The following NDUFA10 variants were observed in gnomAD, a reference collection of about 807,000 sequenced individuals.
The protein encoded by NDUFA10 is NADH dehydrogenase [ubiquinone] 1 alpha subcomplex subunit 10, mitochondrial.
Under a neutral mutation model 47.8 loss-of-function variants are expected in NDUFA10, and 40 were observed. The ratio of observed to expected loss-of-function variants is 0.84; its 90% CI spans 0.65 to 1.09. The LOEUF (loss-of-function observed/expected upper bound fraction) is 1.09, where lower values mean the gene tolerates loss of function less well. Ranked by LOEUF, NDUFA10 falls within the 50% of genes least tolerant of loss-of-function variation. The probability of loss-of-function intolerance (pLI) is 0.00; values close to 1 mark genes in which losing one functional copy is unlikely to be tolerated. For synonymous variants in NDUFA10, 183 were observed against 172.2 expected (o/e 1.06, Z -0.49); for missense variants, 413 against 451.1 (o/e 0.92, Z 0.76).
At chr2:239,943,479 C>T (rs1382076127) in intron 4 of NDUFA10, among the ~76,000 whole-genome samples, 4 of 152,276 alleles carry the variant, frequency 2.6e-5, no homozygotes, top group Admixed American at 2.0e-4. Context: ...GGATTACAGG[C>T]GTGAGCCACT....
intron 8 of NDUFA10, among the ~76,000 whole-genome samples, chr2:240,001,193 A>G (rs1373188120): frequency 6.6e-6 from 1 of 152,234 alleles, no homozygotes; most frequent in Non-Finnish European, 1.5e-5. Flanking sequence ...TTCACTGTAG[A>G]TTTCCATAAA....
intron 4 of NDUFA10, among the ~76,000 whole-genome samples, chr2:239,944,906 G>A (rs898599858): frequency 5.3e-5 from 8 of 152,152 alleles, no homozygotes; most frequent in African/African-American, 1.9e-4. Context: ...AAGGCTGCAG[G>A]ACCACCCTAG....
chr2:239,934,447 G>C (rs1175801276), intron 4 of NDUFA10, among the ~76,000 whole-genome samples: 1 of 150,718 alleles, frequency 6.6e-6, no homozygotes, highest in East Asian at 2.0e-4. Context: ...AACAATACGG[G>C]GTCCTTGACG....
chr2:239,960,440 C>T lies in NDUFA10; in HGVS notation c.*678G>A. The stretch of plus-strand genomic sequence containing the variant: ...AACAGCCTAAGCTCAAATCTCCCTT[C>T]AAAGGAGTTTGAGACGCTGAGGACG... On this transcript the variant is annotated 3_prime_UTR_variant, in exon 10 of 10. Coordinates refer to ENST00000252711, the MANE Select transcript of NDUFA10 (RefSeq NM_004544.4). The T allele has an allele frequency of 2.0e-6, 2 of 988,274 alleles. No homozygotes were observed. The highest frequency in any genetic ancestry group is 2.4e-6 in the Non-Finnish European group (2 of 831,608). The allele number at this position is 988,274 out of a possible 1,614,324, so 61.2% of individuals were successfully genotyped here.
In NDUFA10 at chr2:240,016,190, G is replaced by A. The variant is rs1434446723; in HGVS notation, c.548-1330C>T. Among the ~76,000 whole-genome samples, 3 of 152,194 alleles carry A rather than the reference G, an allele frequency of 2.0e-5. No homozygotes were observed. Among genetic ancestry groups the A allele is most frequent in the African/African-American group, 7.2e-5 (3 of 41,446 alleles). On this transcript the variant is annotated intron_variant, in intron 4 of 9. Coordinates refer to ENST00000252711, the MANE Select transcript of NDUFA10 (RefSeq NM_004544.4). The surrounding 1 kb of genome is among the most constrained non-coding windows in gnomAD (Gnocchi z 4.4). Reference sequence around the variant, plus strand: ...AACAAGGAAGACCACCCAGGAGGAGGTGTGACAAAGCAAAGGACGGAGGCT... The same window carrying A: ...AACAAGGAAGACCACCCAGGAGGAGATGTGACAAAGCAAAGGACGGAGGCT...
intron 4 of NDUFA10, among the ~76,000 whole-genome samples, chr2:239,946,401 G>A (rs767812551): frequency 2.6e-5 from 4 of 152,182 alleles, no homozygotes; most frequent in South Asian, 2.1e-4. Flanking sequence ...GAATTAGCTC[G>A]TTAACCCGCA....
In NDUFA10 at chr2:239,905,344, G is replaced by T. The variant is rs114721080; in HGVS notation, c.295-10030C>A. ...TCCAGTGGGTGTTCTTGGTCCTCCC[G>T]GCTCAAAGGGCGTCTAGGTTCCAGG... is the stretch of plus-strand genomic sequence containing the variant. On this transcript the variant is annotated intron_variant, in intron 4 of 5. Transcript: ENST00000419408. 3.1e-3 allele frequency among the ~76,000 whole-genome samples: 470 copies of T among 152,280 alleles called. 3 individuals are homozygous for T. Among genetic ancestry groups the T allele is most frequent in the African/African-American group, 0.011 (460 of 41,546 alleles).
chr2:239,949,656 T>G (rs574115059), intron 4 of NDUFA10, among the ~76,000 whole-genome samples: 23 of 152,154 alleles, frequency 1.5e-4, no homozygotes, highest in African/African-American at 5.5e-4. Context: ...ACCACACTTT[T>G]ACTTTTTGAA....
intron 2 of NDUFA10, 30 bp downstream of exon 2, chr2:240,022,142 G>A (rs772484940): frequency 6.3e-7 from 1 of 1,582,246 alleles, no homozygotes; most frequent in Non-Finnish European, 8.7e-7. Context: ...CTGAGAAAAA[G>A]GTATCATTCT....
At position 239,966,403 on chromosome 2, in the gene NDUFA10, T is replaced by A. The variant is rs549083745; in HGVS notation, c.1000-5217A>T. On this transcript the variant is annotated intron_variant, in intron 9 of 9. Coordinates refer to ENST00000252711, the MANE Select transcript of NDUFA10 (RefSeq NM_004544.4). ...GTACTAGCAGATACAAAATGACACA[T>A]GAGGGTGTGCACACTGCAGCCCAGC... Among the ~76,000 whole-genome samples, 6 of 152,256 alleles carry A rather than the reference T, an allele frequency of 3.9e-5. No homozygotes were observed. The South Asian group carries it at 1.0e-3, about 26-fold the overall frequency.
At chr2:239,921,791 G>A (rs900045289) in intron 4 of NDUFA10, among the ~76,000 whole-genome samples, 5 of 152,136 alleles carry the variant, frequency 3.3e-5, no homozygotes, top group Non-Finnish European at 5.9e-5. Context: ...GAGGCCTCAC[G>A]GAACCAGGCT....
intron 9 of NDUFA10, among the ~76,000 whole-genome samples, chr2:239,967,919 G>A (rs926554095): frequency 1.3e-5 from 2 of 151,532 alleles, no homozygotes; most frequent in Admixed American, 6.6e-5. Context: ...ATTTAGACAT[G>A]CCCTATATAG....
At chr2:239,974,506 C>T (rs1409319141) in intron 9 of NDUFA10, among the ~76,000 whole-genome samples, 1 of 152,244 alleles carries the variant, frequency 6.6e-6, no homozygotes, top group Non-Finnish European at 1.5e-5. Context: ...GTGTGGATGT[C>T]CCCTCCAAAT....
chr2:240,017,926 A>G, intron 4 of NDUFA10: 1 of 1,546,330 alleles, frequency 6.5e-7, no homozygotes, highest in Non-Finnish European at 8.8e-7. Flanking sequence ...AAATGCCGTC[A>G]GTCAGACTGT....
At chr2:239,965,389 T>A (rs1695018212) in intron 9 of NDUFA10, among the ~76,000 whole-genome samples, 1 of 152,174 alleles carries the variant, frequency 6.6e-6, no homozygotes, top group Non-Finnish European at 1.5e-5. Context: ...TTCACGTCTG[T>A]ATCTGCTAAT....
intron 4 of NDUFA10, among the ~76,000 whole-genome samples, chr2:239,949,139 A>C (rs1023225844): frequency 6.6e-6 from 1 of 152,250 alleles, no homozygotes; most frequent in Non-Finnish European, 1.5e-5. Context: ...CGGGATTTTA[A>C]GGTAAAATCA....
intron 1 of NDUFA10, among the ~76,000 whole-genome samples, chr2:240,024,456 G>C (rs1697770861): frequency 6.6e-6 from 1 of 152,202 alleles, no homozygotes; most frequent in Non-Finnish European, 1.5e-5. Flanking sequence ...AGGGGTTGGA[G>C]AAAAAGAAGG....
chr2:239,922,415 C>T (rs1489078790), intron 4 of NDUFA10, among the ~76,000 whole-genome samples: 1 of 152,204 alleles, frequency 6.6e-6, no homozygotes, highest in Admixed American at 6.5e-5. Context: ...GACCCCAGGA[C>T]AGAGAGGAGC....
At chr2:239,963,892 G>A (rs1201606597) in intron 9 of NDUFA10, among the ~76,000 whole-genome samples, 1 of 152,308 alleles carries the variant, frequency 6.6e-6, no homozygotes, top group South Asian at 2.1e-4. Context: ...GTGTGACCAC[G>A]CGTGACATAC....
Sources: allele counts gnomAD v4.1 joint callset (sites outside exome capture counted in the v4.1 genomes callset), GRCh38; gene constraint gnomAD v4.1.1; non-coding constraint Gnocchi (gnomAD v3.1); transcripts MANE v1.5; gene names NCBI Gene and HGNC (gene_info 2026-07-23, HGNC 2026-07-21).